The following PLBD1 variants were observed in gnomAD, a reference collection of about 807,000 sequenced individuals.
The protein encoded by PLBD1 is lysosomal leucine aminopeptidase.
A neutral mutation model predicts 63.0 loss-of-function variants in PLBD1; 60 were observed. That is an observed-to-expected ratio of 0.95 (90% confidence interval 0.77 to 1.18). The LOEUF (loss-of-function observed/expected upper bound fraction) is 1.18. Ranked by LOEUF, PLBD1 falls within the 50% of genes most tolerant of loss-of-function variation. The pLI is 0.00. For missense variants in PLBD1, 598 were observed against 677.9 expected (o/e 0.88, Z 1.31); for synonymous variants, 262 against 248.0 (o/e 1.06, Z -0.53).
chr12:14,534,368 A>C (rs918232208), intron 6 of PLBD1, among the ~76,000 whole-genome samples: 4 of 152,164 alleles, frequency 2.6e-5, no homozygotes, highest in Non-Finnish European at 2.9e-5. Context: ...ACATGCTAAC[A>C]CACATGCTTT....
chr12:14,505,418 G>A (rs1565569502), intron 10 of PLBD1, among the ~76,000 whole-genome samples: 1 of 152,132 alleles, frequency 6.6e-6, no homozygotes. Context: ...CCAACCAAAT[G>A]CCTCATACCC....
At chr12:14,540,743 G>T (rs1401106776) in intron 4 of PLBD1, 21 bp downstream of exon 4, 1 of 1,542,568 alleles carries the variant, frequency 6.5e-7, no homozygotes, top group Non-Finnish European at 8.8e-7. Context: ...TAAATTCTGA[G>T]AAGCTTGTTT....
chr12:14,514,765 G>GTTTTTTTATTT, intron 6 of PLBD1, among the ~76,000 whole-genome samples: 1 of 151,166 alleles, frequency 6.6e-6, no homozygotes. Flanking sequence ...TTGAGACAGG[G>GTTTTTTTATTT]TCTCCCTGTG....
At chr12:14,535,955 T>A in intron 5 of PLBD1, 152 bp from the exon 6 acceptor site, 2 of 707,892 alleles carry the variant, frequency 2.8e-6, no homozygotes, top group Non-Finnish European at 4.6e-6. Flanking sequence ...GAGTCAAGAT[T>A]AACCTTTAAT....
intron 8 of PLBD1, 24 bp downstream of exon 8, chr12:14,511,236 A>C: frequency 1.3e-6 from 2 of 1,557,480 alleles, no homozygotes; most frequent in Non-Finnish European, 1.7e-6. Context: ...TCAGGTTTTA[A>C]GACTTACGAC....
At chr12:14,515,390 GA>G (rs11295147) in intron 6 of PLBD1, among the ~76,000 whole-genome samples, 2,659 of 151,530 alleles carry the variant, frequency 0.018, 76 homozygotes, top group African/African-American at 0.061. Flanking sequence ...AGGAGACAAA[GA>G]ATCAAAGAAA....
At chr12:14,520,745 C>G (rs189445462) in intron 6 of PLBD1, among the ~76,000 whole-genome samples, 9 of 152,270 alleles carry the variant, frequency 5.9e-5, no homozygotes, top group Admixed American at 4.6e-4. Context: ...GGTATGAAAC[C>G]AGGAGGCAGT....
chr12:14,540,375 ATG>A (rs1189274815), intron 4 of PLBD1, among the ~76,000 whole-genome samples: 1 of 151,824 alleles, frequency 6.6e-6, no homozygotes, highest in Non-Finnish European at 1.5e-5. Flanking sequence ...TTGTGTGGAT[ATG>A]TGTTTATGTG....
intron 1 of PLBD1, among the ~76,000 whole-genome samples, chr12:14,564,384 T>G (rs1945765032): frequency 6.6e-6 from 1 of 152,064 alleles, no homozygotes; most frequent in Non-Finnish European, 1.5e-5. Flanking sequence ...GCCATGGCAA[T>G]GTGGAAAAGG....
intron 1 of PLBD1, among the ~76,000 whole-genome samples, chr12:14,561,945 G>A (rs894157345): frequency 8.5e-5 from 13 of 152,132 alleles, no homozygotes; most frequent in Non-Finnish European, 1.3e-4. Context: ...AGTCATTCTC[G>A]ATTTCTAATT....
At position 14,539,184 on chromosome 12, in the gene PLBD1, G is replaced by GA. The variant is rs564491340; in HGVS notation, c.558+1579dup. On this transcript the variant is annotated intron_variant, in intron 4 of 10. Coordinates refer to ENST00000240617, the MANE Select transcript of PLBD1 (RefSeq NM_024829.6). ...CATCCATACATTGGAACACTGCTTA[G>GA]AAGAGTGAGGACAGATGATATTATA... Among the ~76,000 whole-genome samples the GA allele has an allele frequency of 2.6e-4, 40 of 152,160 alleles. 2 individuals are homozygous for GA. In the South Asian group the frequency reaches 8.3e-3, roughly 32 times the overall value.
intron 1 of PLBD1, among the ~76,000 whole-genome samples, chr12:14,563,526 A>C (rs1592012402): frequency 8.5e-5 from 1 of 11,708 alleles, no homozygotes; most frequent in South Asian, 0.011. Flanking sequence ...TCAAAAAAAC[A>C]ACAAAAAAAA....
chr12:14,533,069 C>T (rs2136918495), intron 6 of PLBD1: 1 of 152,202 alleles, frequency 6.6e-6, no homozygotes, highest in East Asian at 1.9e-4. Context: ...TTAGAAAAGA[C>T]TAAAAAAGAC....
At chr12:14,546,935 C>T (rs1281423873) in intron 2 of PLBD1, among the ~76,000 whole-genome samples, 7 of 151,754 alleles carry the variant, frequency 4.6e-5, no homozygotes, top group African/African-American at 1.7e-4. Flanking sequence ...GGCTGGAGTG[C>T]AGTGGTGTGA....
intron 6 of PLBD1, among the ~76,000 whole-genome samples, chr12:14,521,252 T>C (rs1945373494): frequency 6.6e-6 from 1 of 152,084 alleles, no homozygotes; most frequent in Non-Finnish European, 1.5e-5. Context: ...TGAGCCCATG[T>C]GGTGTCCTGA....
intron 6 of PLBD1, among the ~76,000 whole-genome samples, chr12:14,526,204 G>A (rs1945414431): frequency 6.6e-6 from 1 of 152,148 alleles, no homozygotes; most frequent in African/African-American, 2.4e-5. Context: ...GTAAGAGACT[G>A]TCAAACTTGA....
chr12:14,565,263 C>T (rs755422338), intron 1 of PLBD1, among the ~76,000 whole-genome samples: 3 of 151,870 alleles, frequency 2.0e-5, no homozygotes, highest in East Asian at 1.9e-4. Flanking sequence ...GCCAGGAGTT[C>T]GAGACTAGTC....
chr12:14,543,837 T>C (rs1945594385), intron 2 of PLBD1, among the ~76,000 whole-genome samples: 1 of 152,234 alleles, frequency 6.6e-6, no homozygotes, highest in African/African-American at 2.4e-5. Flanking sequence ...CCTACTATTA[T>C]ACTTGCTAAA....
At chr12:14,503,977 C>A in intron 10 of PLBD1, 23 bp from the exon 11 acceptor site, 1 of 1,574,404 alleles carries the variant, frequency 6.4e-7, no homozygotes. Context: ...AGGAGGAGGA[C>A]ATTTTAGAAA....
Sources: allele counts gnomAD v4.1 joint callset (sites outside exome capture counted in the v4.1 genomes callset), GRCh38; gene constraint gnomAD v4.1.1; transcripts MANE v1.5; gene names NCBI Gene and HGNC (gene_info 2026-07-23, HGNC 2026-07-21).